The following ST6GALNAC3 variants were observed in gnomAD, a reference collection of about 807,000 sequenced individuals.
The protein encoded by ST6GALNAC3 is ST6 N-acetylgalactosaminide alpha-2,6-sialyltransferase 3.
Under a neutral mutation model 32.7 loss-of-function variants are expected in ST6GALNAC3, and 25 were observed. That is an observed-to-expected ratio of 0.76 (90% confidence interval 0.56 to 1.07). The LOEUF (loss-of-function observed/expected upper bound fraction) is 1.07. ST6GALNAC3 is among the 50% of genes least tolerant of loss of function. The pLI, the probability that ST6GALNAC3 is intolerant of heterozygous loss-of-function variation, is 0.00. For missense variants in ST6GALNAC3, 355 were observed against 382.4 expected (o/e 0.93, Z 0.60); for synonymous variants, 129 against 133.1 (o/e 0.97, Z 0.21).
At chr1:76,488,420 A>G (rs1358073977) in intron 3 of ST6GALNAC3, among the ~76,000 whole-genome samples, 2 of 152,176 alleles carry the variant, frequency 1.3e-5, no homozygotes, top group Admixed American at 6.6e-5. Flanking sequence ...CCGCAAAACC[A>G]TGAGCCGATT....
In ST6GALNAC3 at chr1:76,297,567, G is replaced by A. The variant is rs149356737; in HGVS notation, c.19-16238G>A. Among the ~76,000 whole-genome samples the A allele has an allele frequency of 2.5e-3, 382 of 152,022 alleles. 6 individuals carry two copies. Among genetic ancestry groups the A allele is most frequent in the Middle Eastern group, 0.02 (6 of 294 alleles). On this transcript the variant is annotated intron_variant, in intron 1 of 4. Coordinates refer to ENST00000328299, the MANE Select transcript of ST6GALNAC3 (RefSeq NM_152996.4). ...GAAAGATCATTAGCTTTTTAGGTGC[G>A]CCTGGTTTGAATCTTGACATCACCA...
intron 1 of ST6GALNAC3, among the ~76,000 whole-genome samples, chr1:76,111,592 G>T (rs1354311469): frequency 1.3e-5 from 2 of 149,534 alleles, no homozygotes; most frequent in Non-Finnish European, 3.0e-5. Context: ...GCGGCCTTCC[G>T]CAGTGTTTGT....
chr1:76,282,243 AG>A (rs1344744682), intron 1 of ST6GALNAC3, among the ~76,000 whole-genome samples: 1 of 151,922 alleles, frequency 6.6e-6, no homozygotes, highest in Non-Finnish European at 1.5e-5. Flanking sequence ...TTCAGGTGAG[AG>A]GGAATGGAGG....
intron 1 of ST6GALNAC3, among the ~76,000 whole-genome samples, chr1:76,271,084 T>C (rs770558592): frequency 2.4e-4 from 37 of 152,170 alleles, no homozygotes; most frequent in Middle Eastern, 3.2e-3. Context: ...GTTTTATAAA[T>C]TGATCCTCAT....
chr1:76,284,559 T>C (rs1428841213), intron 1 of ST6GALNAC3, among the ~76,000 whole-genome samples: 3 of 152,178 alleles, frequency 2.0e-5, no homozygotes, highest in African/African-American at 7.2e-5. Flanking sequence ...TTACAAGTTT[T>C]GCTGATAAAG....
intron 3 of ST6GALNAC3, among the ~76,000 whole-genome samples, chr1:76,478,119 G>A (rs1659472080): frequency 1.3e-5 from 2 of 152,214 alleles, no homozygotes; most frequent in Non-Finnish European, 2.9e-5. Flanking sequence ...CCTTCCTCCA[G>A]GTCTCATGAA....
chr1:76,398,635 T>G (rs979289924), intron 2 of ST6GALNAC3, among the ~76,000 whole-genome samples: 2 of 152,180 alleles, frequency 1.3e-5, no homozygotes, highest in African/African-American at 4.8e-5. Context: ...CATAAAAATT[T>G]GTGTGGTTTG....
At chr1:76,095,050 C>T (rs1647106877) in intron 1 of ST6GALNAC3, among the ~76,000 whole-genome samples, 1 of 152,052 alleles carries the variant, frequency 6.6e-6, no homozygotes, top group Admixed American at 6.5e-5. Flanking sequence ...TATGTACACT[C>T]AGTGGTCATT....
chr1:76,452,183 A>T (rs1275484497), intron 3 of ST6GALNAC3, among the ~76,000 whole-genome samples: 1 of 152,134 alleles, frequency 6.6e-6, no homozygotes, highest in African/African-American at 2.4e-5. Context: ...TGCTGGTCTC[A>T]TGATAGTGAA....
rs532112501 is a variant in ST6GALNAC3 at position 76,315,212 on chromosome 1, C to T, written c.213+1213C>T. Among the ~76,000 whole-genome samples, 8 of 152,102 alleles carry T rather than the reference C, an allele frequency of 5.3e-5. No individual in the cohort carries two copies. The South Asian group carries it at 1.7e-3, about 32-fold the overall frequency. On this transcript the variant is annotated intron_variant, in intron 2 of 4. Coordinates refer to ENST00000328299, the MANE Select transcript of ST6GALNAC3 (RefSeq NM_152996.4). ...GTTGAGTGTCCTAATAAATTGATTA[C>T]CTATATAAAAATGTATCTCTTTGAG...
intron 2 of ST6GALNAC3, among the ~76,000 whole-genome samples, chr1:76,410,835 G>C (rs560843843): frequency 6.5e-4 from 99 of 152,124 alleles, no homozygotes; most frequent in African/African-American, 2.3e-3. Context: ...TGTATTCCAG[G>C]GACTGACGGG....
rs117317411 is a variant in ST6GALNAC3 at position 76,625,007 on chromosome 1, A to G, written c.624-2445A>G. On this transcript the variant is annotated intron_variant, in intron 3 of 4. Coordinates refer to ENST00000328299, the MANE Select transcript of ST6GALNAC3 (RefSeq NM_152996.4). ...TGTTGAGGGTGATGATCACAGAATC[A>G]TAGTTCAACCATCTCATTTTAGACA... Among the ~76,000 whole-genome samples, 104 of 152,070 alleles carry G rather than the reference A, an allele frequency of 6.8e-4. No homozygotes were observed. In the East Asian group the frequency reaches 0.012, roughly 17 times the overall value.
intron 2 of ST6GALNAC3, among the ~76,000 whole-genome samples, chr1:76,403,908 C>G (rs781060988): frequency 2.0e-5 from 3 of 151,798 alleles, no homozygotes; most frequent in Non-Finnish European, 2.9e-5. Flanking sequence ...TGAGAAAACT[C>G]TTTCTTGGTT....
In ST6GALNAC3 at chr1:76,412,330, T is replaced by G. The variant is rs558707849; in HGVS notation, c.536T>G (p.Ile179Ser). ...AACATGTTGAAAAAGACAGTTGGTA[T>G]CTATCCGAATGCCCAAATATACGTG... The part of the protein sequence containing the change: ...VYNMLKKTVG[I>S]YPNAQIYVTT... The change falls in exon 3 of 5, where the codon ATC becomes AGC. Residue 179 changes from isoleucine (I) to serine (S), a missense_variant. Ile to Ser is a moderately radical substitution (Grantham distance 142, BLOSUM62 -2). Transcript: ENST00000328299. The G allele has an allele frequency of 6.2e-7, 1 of 1,613,666 alleles. No homozygotes were observed. Among genetic ancestry groups the G allele is most frequent in the South Asian group, 1.1e-5 (1 of 91,052 alleles).
At chr1:76,447,902 A>T (rs895056909) in intron 3 of ST6GALNAC3, among the ~76,000 whole-genome samples, 1 of 152,166 alleles carries the variant, frequency 6.6e-6, no homozygotes, top group Non-Finnish European at 1.5e-5. Context: ...GTAGTGTGAA[A>T]GGACAATGTG....
chr1:76,276,203 A>G (rs1181809387), intron 1 of ST6GALNAC3, among the ~76,000 whole-genome samples: 1 of 151,394 alleles, frequency 6.6e-6, no homozygotes, highest in South Asian at 2.1e-4. Context: ...ATATATATAT[A>G]TAACATTTAA....
At chr1:76,488,368 C>G (rs1387640279) in intron 3 of ST6GALNAC3, among the ~76,000 whole-genome samples, 1 of 152,052 alleles carries the variant, frequency 6.6e-6, no homozygotes, top group African/African-American at 2.4e-5. Context: ...TGAGGCCTCC[C>G]TAGAAGCCAA....
chr1:76,212,141 A>G (rs1342061045), intron 1 of ST6GALNAC3, among the ~76,000 whole-genome samples: 2 of 152,104 alleles, frequency 1.3e-5, no homozygotes, highest in Non-Finnish European at 2.9e-5. Flanking sequence ...GGGCTCATGG[A>G]GCTATGTTAA....
In ST6GALNAC3 at chr1:76,178,545, C is replaced by T. The variant is rs450636; in HGVS notation, c.18+103661C>T. On this transcript the variant is annotated intron_variant, in intron 1 of 4. Transcript: ENST00000328299. ...CCCTGTAGATTGTTATTCAGTGCCTCGGATGTGGGCCTAGGAACCTGTATT... is the reference window on the plus strand; with the variant it reads ...CCCTGTAGATTGTTATTCAGTGCCTTGGATGTGGGCCTAGGAACCTGTATT... Among the ~76,000 whole-genome samples, 8 of 151,994 alleles carry T rather than the reference C, an allele frequency of 5.3e-5. No homozygotes were observed. The East Asian group carries it at 1.2e-3, about 22-fold the overall frequency.
Sources: allele counts gnomAD v4.1 joint callset (sites outside exome capture counted in the v4.1 genomes callset), GRCh38; gene constraint gnomAD v4.1.1; transcripts MANE v1.5; gene names NCBI Gene and HGNC (gene_info 2026-07-23, HGNC 2026-07-21).